The following CYP7B1 variants were observed in gnomAD, a reference collection of about 807,000 sequenced individuals.
CYP7B1 encodes the protein cytochrome P450 7B1.
Under a neutral mutation model 42.7 loss-of-function variants are expected in CYP7B1, and 29 were observed. The ratio of observed to expected loss-of-function variants is 0.68; its 90% confidence interval spans 0.51 to 0.93. The LOEUF (loss-of-function observed/expected upper bound fraction) is 0.93. Ranked by LOEUF, CYP7B1 falls within the 40% of genes least tolerant of loss-of-function variation. CYP7B1 has a pLI of 0.00. For synonymous variants in CYP7B1, 235 were observed against 218.2 expected (o/e 1.08, Z -0.68); for missense variants, 655 against 600.5 (o/e 1.09, Z -0.95).
chr8:64,653,961 ATAAAC>A (rs1806080154), intron 1 of CYP7B1, among the ~76,000 whole-genome samples: 1 of 152,146 alleles, frequency 6.6e-6, no homozygotes, highest in African/African-American at 2.4e-5. Flanking sequence ...AGTAAACTAA[ATAAAC>A]TAAAACTCTA....
chr8:64,718,850 C>A (rs542953811), intron 1 of CYP7B1, among the ~76,000 whole-genome samples: 1 of 152,130 alleles, frequency 6.6e-6, no homozygotes, highest in Non-Finnish European at 1.5e-5. Context: ...AGTAGATTCC[C>A]GGAAGTCCCA....
intron 1 of CYP7B1, among the ~76,000 whole-genome samples, chr8:64,770,648 A>G (rs1244795688): frequency 2.0e-5 from 3 of 152,232 alleles, no homozygotes; most frequent in Non-Finnish European, 4.4e-5. Context: ...AAACCCAAGG[A>G]TGAGCTCCTT....
chr8:64,681,840 T>C (rs1806543501), intron 1 of CYP7B1, among the ~76,000 whole-genome samples: 1 of 152,130 alleles, frequency 6.6e-6, no homozygotes, highest in South Asian at 2.1e-4. Context: ...TCAGAAACTA[T>C]GAGATAATAA....
chr8:64,680,015 C>T (rs564369335), intron 1 of CYP7B1, among the ~76,000 whole-genome samples: 16 of 152,128 alleles, frequency 1.1e-4, no homozygotes, highest in African/African-American at 3.9e-4. Flanking sequence ...TTAAAACTTA[C>T]CTTGCATAAT....
intron 1 of CYP7B1, among the ~76,000 whole-genome samples, chr8:64,705,967 A>C (rs1349246906): frequency 6.6e-6 from 1 of 152,072 alleles, no homozygotes; most frequent in African/African-American, 2.4e-5. Context: ...GTGGTGTATA[A>C]GCCCTCTGAA....
intron 1 of CYP7B1, among the ~76,000 whole-genome samples, chr8:64,703,341 C>T (rs575878425): frequency 1.5e-3 from 228 of 152,006 alleles, no homozygotes; most frequent in Middle Eastern, 3.4e-3. Context: ...ATACATAAAA[C>T]GGAAGCACAG....
In CYP7B1 at chr8:64,594,788, T is replaced by C. The variant is rs1233758655; in HGVS notation, c.*1854A>G. On this transcript the variant is annotated 3_prime_UTR_variant, in exon 6 of 6. Transcript: ENST00000310193. ...AATTACATGGAGTGTAAGTTAGAGA[T>C]ACAAAGTGTGGTGAGAAAAGATCAA... Among the ~76,000 whole-genome samples the C allele has an allele frequency of 6.6e-6, 1 of 152,196 alleles. No homozygotes were observed. The highest frequency in any genetic ancestry group is 2.4e-5 in the African/African-American group (1 of 41,438).
intron 1 of CYP7B1, among the ~76,000 whole-genome samples, chr8:64,793,720 T>C (rs1804659283): frequency 6.6e-6 from 1 of 151,978 alleles, no homozygotes; most frequent in African/African-American, 2.4e-5. Context: ...TCAAAGTTTA[T>C]TTTAAATAAA....
intron 1 of CYP7B1, among the ~76,000 whole-genome samples, chr8:64,783,720 T>A (rs933285346): frequency 6.6e-6 from 1 of 152,190 alleles, no homozygotes; most frequent in Non-Finnish European, 1.5e-5. Context: ...TCATTCCTGC[T>A]TCCAGACAAA....
At chr8:64,649,742 A>G (rs1431571209) in intron 1 of CYP7B1, among the ~76,000 whole-genome samples, 2 of 152,206 alleles carry the variant, frequency 1.3e-5, no homozygotes, top group African/African-American at 4.8e-5. Context: ...TTGTTTTGAT[A>G]GTGACCATCC....
chr8:64,705,401 T>C (rs1485398082), intron 1 of CYP7B1, among the ~76,000 whole-genome samples: 2 of 152,060 alleles, frequency 1.3e-5, no homozygotes, highest in Admixed American at 1.3e-4. Context: ...TCAACATAGA[T>C]GTGTTAAATA....
chr8:64,798,167 G>T (rs1189513708), intron 1 of CYP7B1, among the ~76,000 whole-genome samples: 1 of 152,198 alleles, frequency 6.6e-6, no homozygotes, highest in Admixed American at 6.5e-5. Flanking sequence ...AACTCGCAGT[G>T]GCAAGGCACA....
intron 1 of CYP7B1, among the ~76,000 whole-genome samples, chr8:64,722,763 G>GT (rs1554535564): frequency 7.4e-5 from 9 of 121,000 alleles, no homozygotes; most frequent in African/African-American, 2.0e-4. Flanking sequence ...GGGGCGGGAG[G>GT]TTTTTTTTTA....
intron 1 of CYP7B1, among the ~76,000 whole-genome samples, chr8:64,679,472 T>C (rs903527104): frequency 3.3e-5 from 5 of 152,178 alleles, no homozygotes; most frequent in African/African-American, 1.2e-4. Flanking sequence ...TTTAAAAAAA[T>C]TGGGCAAAAG....
intron 1 of CYP7B1, among the ~76,000 whole-genome samples, chr8:64,681,176 A>G (rs1806530929): frequency 6.6e-6 from 1 of 152,230 alleles, no homozygotes; most frequent in Non-Finnish European, 1.5e-5. Flanking sequence ...AGATAATTAG[A>G]TCTTTCTCCC....
At chr8:64,745,999 T>C (rs919711196) in intron 1 of CYP7B1, among the ~76,000 whole-genome samples, 2 of 152,150 alleles carry the variant, frequency 1.3e-5, no homozygotes, top group Admixed American at 1.3e-4. Flanking sequence ...GAGTCAACCA[T>C]TCAATGCATG....
intron 1 of CYP7B1, among the ~76,000 whole-genome samples, chr8:64,665,606 C>CAA (rs1291330239): frequency 1.6e-4 from 13 of 79,510 alleles, no homozygotes; most frequent in Non-Finnish European, 2.4e-4. Flanking sequence ...GACGGAGTTT[C>CAA]ACTCTTGTTG....
chr8:64,698,986 G>C (rs915528001), intron 1 of CYP7B1, among the ~76,000 whole-genome samples: 1 of 152,090 alleles, frequency 6.6e-6, no homozygotes, highest in African/African-American at 2.4e-5. Context: ...GGTTCTGACA[G>C]AATTTTAAAT....
At chr8:64,744,363 CT>C (rs1446613928) in intron 1 of CYP7B1, among the ~76,000 whole-genome samples, 1 of 149,096 alleles carries the variant, frequency 6.7e-6, no homozygotes, top group African/African-American at 2.5e-5. Context: ...TTTTTTTTTC[CT>C]TTTCTCATTA....
Sources: gnomAD v4.1 joint callset for allele counts (sites outside exome capture counted in the v4.1 genomes callset) on GRCh38, gnomAD v4.1.1 for gene constraint, MANE v1.5 for transcripts, NCBI Gene and HGNC (gene_info 2026-07-23, HGNC 2026-07-21) for gene names.